LOC122539214: variants seen among roughly 807,000 people sequenced by gnomAD.
chr19:52,654,278 T>C, the LOC122539214 span: 5 of 1,553,680 alleles, frequency 3.2e-6, no homozygotes, highest in Non-Finnish European at 3.5e-6. Flanking sequence ...TCTTTCTTGA[T>C]TTCTGGGAAG....
the LOC122539214 span, among the ~76,000 whole-genome samples, chr19:52,675,972 A>G: frequency 6.6e-6 from 1 of 152,118 alleles, no homozygotes; most frequent in Non-Finnish European, 1.5e-5. Flanking sequence ...CAGGCAGATC[A>G]TGAGGTCAGG....
the LOC122539214 span, among the ~76,000 whole-genome samples, chr19:52,680,291 A>C: frequency 2.6e-5 from 4 of 152,202 alleles, no homozygotes; most frequent in Non-Finnish European, 5.9e-5. Flanking sequence ...GGACATTTTC[A>C]TCACCCACAG....
At chr19:52,669,250 T>C in the LOC122539214 span, among the ~76,000 whole-genome samples, 12,501 of 152,282 alleles carry the variant, frequency 0.082, 559 homozygotes, top group Non-Finnish European at 0.11. Context: ...AAGTCCCTTA[T>C]GGGTCTTTTG....
chr19:52,686,463 T>TAC, the LOC122539214 span, among the ~76,000 whole-genome samples: 1 of 16,102 alleles, frequency 6.2e-5, no homozygotes, highest in South Asian at 1.4e-3. Context: ...AAATTACATA[T>TAC]ATATATATAT....
chr19:52,689,024 A>G, the LOC122539214 span, among the ~76,000 whole-genome samples: 14 of 149,558 alleles, frequency 9.4e-5, no homozygotes, highest in Admixed American at 5.4e-4. Context: ...AAGCATTATT[A>G]TGTTTTACAA....
chr19:52,676,165 T>C, the LOC122539214 span, among the ~76,000 whole-genome samples: 1 of 152,196 alleles, frequency 6.6e-6, no homozygotes, highest in Non-Finnish European at 1.5e-5. Flanking sequence ...ATTTTTTTGG[T>C]GGAGACGGGG....
At chr19:52,655,432 A>G in the LOC122539214 span, 1 of 873,502 alleles carries the variant, frequency 1.1e-6, no homozygotes, top group East Asian at 2.5e-5. Flanking sequence ...GAGGATCATC[A>G]CTGCAGAAAA....
the LOC122539214 span, among the ~76,000 whole-genome samples, chr19:52,673,923 G>A: frequency 1.4e-5 from 2 of 147,926 alleles, no homozygotes; most frequent in Non-Finnish European, 3.0e-5. Context: ...GGCTGAGGCA[G>A]GAGAATTGGT....
At chr19:52,675,048 G>A in the LOC122539214 span, among the ~76,000 whole-genome samples, 1 of 152,184 alleles carries the variant, frequency 6.6e-6, no homozygotes, top group Non-Finnish European at 1.5e-5. Context: ...ACAAGACAGT[G>A]AAATGAGTGA....
At chr19:52,676,987 TGCGGAAG>T in the LOC122539214 span, among the ~76,000 whole-genome samples, 1 of 145,166 alleles carries the variant, frequency 6.9e-6, no homozygotes, top group Non-Finnish European at 1.5e-5. Context: ...ACACAAACAC[TGCGGAAG>T]GCCGCAGGGT....
the LOC122539214 span, among the ~76,000 whole-genome samples, chr19:52,658,682 C>G: frequency 6.6e-6 from 1 of 152,112 alleles, no homozygotes; most frequent in African/African-American, 2.4e-5. Context: ...CTGAAGGCAC[C>G]CGGTTCTTAC....
chr19:52,686,253 C>T, the LOC122539214 span, among the ~76,000 whole-genome samples: 12 of 151,878 alleles, frequency 7.9e-5, no homozygotes, highest in Non-Finnish European at 1.6e-4. Context: ...TAATTTCAAA[C>T]CGAAACTATT....
the LOC122539214 span, chr19:52,654,121 G>C: frequency 1.9e-6 from 3 of 1,605,382 alleles, no homozygotes; most frequent in Non-Finnish European, 2.6e-6. Context: ...ATAAAAGCTT[G>C]ATCCAAGCTG....
At chr19:52,684,249 C>T in the LOC122539214 span, among the ~76,000 whole-genome samples, 1 of 151,962 alleles carries the variant, frequency 6.6e-6, no homozygotes, top group African/African-American at 2.4e-5. Flanking sequence ...ATCTGTAATC[C>T]CAGCTACTCG....
the LOC122539214 span, among the ~76,000 whole-genome samples, chr19:52,673,439 G>A: frequency 1.3e-5 from 2 of 152,000 alleles, no homozygotes; most frequent in African/African-American, 4.8e-5. Context: ...GAAGGCAGAG[G>A]TTGCAGTGAG....
At chr19:52,673,144 G>A in the LOC122539214 span, among the ~76,000 whole-genome samples, 1 of 152,128 alleles carries the variant, frequency 6.6e-6, no homozygotes, top group African/African-American at 2.4e-5. Flanking sequence ...AGGGAGCAGA[G>A]GTTGCAGTGA....
chr19:52,675,370 G>C, the LOC122539214 span, among the ~76,000 whole-genome samples: 1 of 152,220 alleles, frequency 6.6e-6, no homozygotes, highest in Admixed American at 6.5e-5. Context: ...GAAATGACCA[G>C]TCACAGAAAA....
the LOC122539214 span, among the ~76,000 whole-genome samples, chr19:52,657,676 C>T: frequency 9.9e-5 from 15 of 150,920 alleles, no homozygotes; most frequent in Non-Finnish European, 1.5e-4. Flanking sequence ...AGAGAAACCC[C>T]GTCTCTACTA....
chr19:52,685,264 A>G, the LOC122539214 span, among the ~76,000 whole-genome samples: 2 of 152,078 alleles, frequency 1.3e-5, no homozygotes, highest in Non-Finnish European at 2.9e-5. Flanking sequence ...CTGGGCTCAG[A>G]GCGGGGACAT....
Sources: allele counts gnomAD v4.1 joint callset (sites outside exome capture counted in the v4.1 genomes callset), GRCh38; gene constraint gnomAD v4.1.1; transcripts MANE v1.5.